The following GPHN variants were observed in gnomAD, a reference collection of about 807,000 sequenced individuals.
The protein encoded by GPHN is gephyrin.
In GPHN, 17 loss-of-function variants were observed where a neutral mutation model predicts 95.5. The observed-to-expected ratio is 0.18, with a 90% CI of 0.12 to 0.27. The LOEUF is 0.27. Ranked by LOEUF, GPHN falls within the 10% of genes least tolerant of loss-of-function variation. The pLI is 1.00. For synonymous variants in GPHN, 320 were observed against 322.5 expected (o/e 0.99, Z 0.08); for missense variants, 660 against 978.1 (o/e 0.67, Z 4.34).
At chr14:67,520,665 A>T in the GPHN span, among the ~76,000 whole-genome samples, 1 of 152,000 alleles carries the variant, frequency 6.6e-6, no homozygotes, top group Non-Finnish European at 1.5e-5. Flanking sequence ...TTTTATGTGG[A>T]CATAAATTTC....
intron 4 of GPHN, among the ~76,000 whole-genome samples, chr14:66,839,462 T>G (rs2061989760): frequency 6.6e-6 from 1 of 152,174 alleles, no homozygotes; most frequent in African/African-American, 2.4e-5. Flanking sequence ...AGGCTAAACC[T>G]TTATGGAAAG....
At chr14:66,538,149 T>C (rs2059208296) in intron 1 of GPHN, among the ~76,000 whole-genome samples, 1 of 152,206 alleles carries the variant, frequency 6.6e-6, no homozygotes, top group Admixed American at 6.5e-5. Flanking sequence ...TTTATTCTTA[T>C]AGCACTTCAG....
At chr14:67,076,496 T>C (rs191788820) in intron 11 of GPHN, among the ~76,000 whole-genome samples, 3 of 152,284 alleles carry the variant, frequency 2.0e-5, no homozygotes, top group East Asian at 3.9e-4. Context: ...AATCTGTACA[T>C]GCTTCACCTT....
intron 3 of GPHN, among the ~76,000 whole-genome samples, chr14:66,801,558 T>C (rs74057844): frequency 0.07 from 10,464 of 150,112 alleles, 954 homozygotes; most frequent in African/African-American, 0.2. Context: ...TCTCTCTCTC[T>C]CTCCCCGCTG....
At chr14:67,685,202 A>AG in the GPHN span, 1 of 1,610,518 alleles carries the variant, frequency 6.2e-7, no homozygotes, top group East Asian at 2.2e-5. Flanking sequence ...GTAACGCCAG[A>AG]GCCTGGTTGG....
the GPHN span, chr14:67,382,669 G>A: frequency 2.0e-6 from 3 of 1,527,108 alleles, no homozygotes; most frequent in South Asian, 1.1e-5. Flanking sequence ...AAGAGCTGTC[G>A]GCCTTGGAAT....
chr14:67,262,742 G>A, the GPHN span, among the ~76,000 whole-genome samples: 2 of 152,142 alleles, frequency 1.3e-5, no homozygotes, highest in South Asian at 4.1e-4. Context: ...ACAATTTAGT[G>A]TAGCATTCAG....
chr14:66,884,241 A>G (rs1424965487), intron 5 of GPHN, among the ~76,000 whole-genome samples: 1 of 152,044 alleles, frequency 6.6e-6, no homozygotes, highest in Non-Finnish European at 1.5e-5. Context: ...CTCCACAATT[A>G]GGCCTAGCCC....
At chr14:66,629,173 ATAT>A (rs2063665046) in intron 1 of GPHN, among the ~76,000 whole-genome samples, 1 of 90,626 alleles carries the variant, frequency 1.1e-5, no homozygotes, top group Non-Finnish European at 2.0e-5. Context: ...ATATAAATAT[ATAT>A]ATACATATAT....
the GPHN span, chr14:67,642,348 T>C: frequency 6.2e-7 from 1 of 1,613,858 alleles, no homozygotes; most frequent in South Asian, 1.1e-5. Flanking sequence ...TGTGTCACAC[T>C]GGGAGGAGAC....
chr14:67,724,551 G>T, the GPHN span: 4 of 1,613,888 alleles, frequency 2.5e-6, no homozygotes, highest in African/African-American at 1.3e-5. Context: ...GCGCCAACAC[G>T]GGCATTGGCA....
chr14:67,575,536 C>A, the GPHN span: 1 of 1,048,198 alleles, frequency 9.5e-7, no homozygotes, highest in Non-Finnish European at 1.5e-6. Flanking sequence ...GACTGCCACT[C>A]TATGTCCTGA....
At chr14:66,521,106 T>C (rs1318908424) in intron 1 of GPHN, among the ~76,000 whole-genome samples, 2 of 152,194 alleles carry the variant, frequency 1.3e-5, no homozygotes, top group Non-Finnish European at 2.9e-5. Context: ...CAGTTTGCCA[T>C]TGGTGGGCAT....
chr14:67,499,024 A>T, the GPHN span, among the ~76,000 whole-genome samples: 2 of 99,686 alleles, frequency 2.0e-5, no homozygotes, highest in Non-Finnish European at 4.6e-5. Context: ...AATTTTAGAA[A>T]CAAGGTCTTG....
chr14:66,525,474 T>C (rs1347203355), intron 1 of GPHN, among the ~76,000 whole-genome samples: 2 of 152,242 alleles, frequency 1.3e-5, no homozygotes, highest in African/African-American at 2.4e-5. Flanking sequence ...TTTCTTTTGC[T>C]GTGCAGATGC....
At chr14:66,880,374 G>A (rs766994093) in intron 5 of GPHN, among the ~76,000 whole-genome samples, 2 of 151,668 alleles carry the variant, frequency 1.3e-5, no homozygotes, top group South Asian at 2.1e-4. Context: ...TGTTGTTGTT[G>A]TTGTTGCTTG....
intron 12 of GPHN, among the ~76,000 whole-genome samples, chr14:67,100,461 A>T (rs930126042): frequency 3.9e-5 from 6 of 152,228 alleles, no homozygotes; most frequent in Non-Finnish European, 8.8e-5. Flanking sequence ...TTATATATAT[A>T]TATATGTCCA....
chr14:67,326,281 C>CCCAGACTA, the GPHN span, among the ~76,000 whole-genome samples: 1 of 99,582 alleles, frequency 1.0e-5, no homozygotes, highest in African/African-American at 4.0e-5. Context: ...CTATATGTCA[C>CCCAGACTA]CCAGACTAGA....
the GPHN span, chr14:67,727,529 C>A: frequency 3.0e-6 from 1 of 334,018 alleles, no homozygotes; most frequent in East Asian, 8.3e-5. Context: ...GTCGCCCAGG[C>A]TGGAGTGCAG....
Sources: gnomAD v4.1 joint callset for allele counts (sites outside exome capture counted in the v4.1 genomes callset) on GRCh38, gnomAD v4.1.1 for gene constraint, MANE v1.5 for transcripts, NCBI Gene and HGNC (gene_info 2026-07-23, HGNC 2026-07-21) for gene names.